ZEB1: variants seen among roughly 807,000 people sequenced by gnomAD.
ZEB1 encodes the protein zinc finger E-box binding homeobox 1, also known as zinc finger E-box-binding homeobox 1.
In ZEB1, 21 loss-of-function variants were observed where a neutral mutation model predicts 84.9. The observed-to-expected ratio is 0.25, with a 90% CI of 0.18 to 0.36. The LOEUF (loss-of-function observed/expected upper bound fraction) is 0.36. Among genes scored for constraint, ZEB1 ranks in the 10% least tolerant of loss-of-function variants. ZEB1 has a pLI of 1.00. For synonymous variants in ZEB1, 420 were observed against 471.1 expected (o/e 0.89, Z 1.41); for missense variants, 1,104 against 1,330.2 (o/e 0.83, Z 2.65).
chr10:31,499,874 T>G (rs1433324251), intron 3 of ZEB1, among the ~76,000 whole-genome samples: 2 of 152,082 alleles, frequency 1.3e-5, no homozygotes, highest in African/African-American at 4.8e-5. Context: ...GTAGATCGAA[T>G]CTAATTTGTA....
At chr10:31,360,808 A>C (rs774765356) in intron 1 of ZEB1, 9 of 665,244 alleles carry the variant, frequency 1.4e-5, no homozygotes, top group African/African-American at 1.8e-5. Flanking sequence ...AATCATATAT[A>C]CACTTAAAGT....
At chr10:31,446,750 T>C (rs551202202) in intron 1 of ZEB1, among the ~76,000 whole-genome samples, 90 of 151,692 alleles carry the variant, frequency 5.9e-4, no homozygotes, top group African/African-American at 1.9e-3. Context: ...TCCTGAGTTC[T>C]AGTTTGATTG....
At chr10:31,496,928 T>A (rs1308746900) in intron 3 of ZEB1, among the ~76,000 whole-genome samples, 1 of 152,104 alleles carries the variant, frequency 6.6e-6, no homozygotes, top group Admixed American at 6.6e-5. Flanking sequence ...AGTAAATCTT[T>A]GTGCTGTTAT....
At chr10:31,376,286 T>C (rs1427357102) in intron 1 of ZEB1, among the ~76,000 whole-genome samples, 1 of 151,722 alleles carries the variant, frequency 6.6e-6, no homozygotes, top group Admixed American at 6.6e-5. Context: ...ACCTTGCAAT[T>C]GATCTGTAGT....
intron 1 of ZEB1, among the ~76,000 whole-genome samples, chr10:31,340,375 C>G (rs1564516856): frequency 6.6e-6 from 1 of 152,110 alleles, no homozygotes; most frequent in Non-Finnish European, 1.5e-5. Context: ...TAAACTCTAG[C>G]AATATAGAAA....
chr10:31,333,601 A>G (rs974133848), intron 1 of ZEB1, among the ~76,000 whole-genome samples: 2 of 152,058 alleles, frequency 1.3e-5, no homozygotes, highest in African/African-American at 4.8e-5. Context: ...AGGGAAGTAG[A>G]ACAAGAAACA....
chr10:31,379,960 C>T (rs1047791345), intron 1 of ZEB1, among the ~76,000 whole-genome samples: 5 of 152,076 alleles, frequency 3.3e-5, no homozygotes, highest in African/African-American at 1.2e-4. Context: ...ACCTTTATTA[C>T]ATCCAACAAA....
At chr10:31,449,182 G>GC (rs553223182) in intron 1 of ZEB1, among the ~76,000 whole-genome samples, 694 of 152,292 alleles carry the variant, frequency 4.6e-3, no homozygotes, top group Non-Finnish European at 7.0e-3. Context: ...TTTTCCAGGT[G>GC]CGTCTGTCAC....
intron 1 of ZEB1, chr10:31,375,043 T>TCGTACA (rs2046346403): frequency 2.3e-5 from 1 of 43,588 alleles, no homozygotes; most frequent in Non-Finnish European, 5.4e-5. Context: ...TTTATGTTTT[T>TCGTACA]CATACACACA....
intron 1 of ZEB1, among the ~76,000 whole-genome samples, chr10:31,366,133 C>T (rs1406671234): frequency 6.6e-6 from 1 of 152,120 alleles, no homozygotes; most frequent in Non-Finnish European, 1.5e-5. Flanking sequence ...CAGGTTAGTC[C>T]TTTCCCCCAA....
chr10:31,527,407 T>C lies in ZEB1; in HGVS notation c.*143T>C, dbSNP rs1033631285. On this transcript the variant is annotated 3_prime_UTR_variant, in exon 9 of 9. Transcript: ENST00000424869. ...AAGTAAAAACTAAAAAAATACAAAA[T>C]ACAAAACACACACACACACACACAC... 3 of 754,692 alleles carry C rather than the reference T, an allele frequency of 4.0e-6. No individual in the cohort carries two copies. Among genetic ancestry groups the C allele is most frequent in the South Asian group, 1.8e-5 (1 of 54,702 alleles). 46.7% of individuals were successfully genotyped at this position (754,692 alleles called of 1,614,324 possible).
rs531221592 is a variant in ZEB1 at position 31,394,168 on chromosome 10, C to T, written c.59-66869C>T. 7.4e-4 allele frequency among the ~76,000 whole-genome samples: 112 copies of T among 152,218 alleles called. 4 individuals are homozygous for T. In the South Asian group the frequency reaches 0.022, roughly 30 times the overall value. On this transcript the variant is annotated intron_variant, in intron 1 of 8. Transcript: ENST00000424869. ...GAATCTGAGGGACATTAGATTTAATCAAACCAAATGAGAAGGCAAGGTGGT... is the reference window on the plus strand; with the variant it reads ...GAATCTGAGGGACATTAGATTTAATTAAACCAAATGAGAAGGCAAGGTGGT...
At chr10:31,467,056 T>A (rs775393455) in intron 2 of ZEB1, among the ~76,000 whole-genome samples, 1 of 151,960 alleles carries the variant, frequency 6.6e-6, no homozygotes, top group African/African-American at 2.4e-5. Flanking sequence ...ATGACAGACA[T>A]GATTGAAGAA....
chr10:31,320,121 G>A lies in ZEB1; in HGVS notation c.58+829G>A, dbSNP rs1160259424. The A allele has an allele frequency of 2.0e-5, 3 of 151,958 alleles. No individual in the cohort carries two copies. In the East Asian group the frequency reaches 5.9e-4, roughly 30 times the overall value. The allele number at this position is 151,958 out of a possible 1,614,324, so 9.4% of individuals were successfully genotyped here. A position where few individuals can be genotyped will look rare whatever the true frequency, so the allele number is the denominator to read the frequency against. ...CTCCCGCTGCCCGGCCCAGAGCCCC[G>A]GCCTGGGGACTCCGCGGCGAGCCCC... On this transcript the variant is annotated intron_variant, in intron 1 of 8. Transcript: ENST00000424869.
intron 1 of ZEB1, among the ~76,000 whole-genome samples, chr10:31,385,039 G>A (rs2048370956): frequency 6.6e-6 from 1 of 152,056 alleles, no homozygotes; most frequent in Non-Finnish European, 1.5e-5. Flanking sequence ...GAGTTTTTGT[G>A]TACACTTATT....
At chr10:31,338,411 G>A (rs1471583331) in intron 1 of ZEB1, among the ~76,000 whole-genome samples, 1 of 152,156 alleles carries the variant, frequency 6.6e-6, no homozygotes, top group East Asian at 1.9e-4. Context: ...AGGTCACTTA[G>A]CTAGTAAGTG....
At chr10:31,381,795 GAGATC>G (rs2047684992) in intron 1 of ZEB1, 1 of 152,104 alleles carries the variant, frequency 6.6e-6, no homozygotes, top group Non-Finnish European at 1.5e-5. Flanking sequence ...CAGATCACTT[GAGATC>G]AGGAGTTCAA....
chr10:31,484,254 G>A (rs1331121297), intron 2 of ZEB1, among the ~76,000 whole-genome samples: 2 of 151,782 alleles, frequency 1.3e-5, no homozygotes, highest in African/African-American at 4.8e-5. Flanking sequence ...ATAGTCACAG[G>A]GTCAGAGTAC....
chr10:31,364,712 C>A, intron 1 of ZEB1, among the ~76,000 whole-genome samples: 1 of 152,208 alleles, frequency 6.6e-6, no homozygotes, highest in East Asian at 1.9e-4. Context: ...TGAGACCATT[C>A]CTCAGGTCAT....
Sources: gnomAD v4.1 joint callset for allele counts (sites outside exome capture counted in the v4.1 genomes callset) on GRCh38, gnomAD v4.1.1 for gene constraint, MANE v1.5 for transcripts, NCBI Gene and HGNC (gene_info 2026-07-23, HGNC 2026-07-21) for gene names.